STXBP4: variants seen among roughly 807,000 people sequenced by gnomAD.
STXBP4 encodes the protein syntaxin-binding protein 4.
In STXBP4, 55 loss-of-function variants were observed where a neutral mutation model predicts 76.1. That is an observed-to-expected ratio of 0.72 (90% CI 0.58 to 0.91). The LOEUF (loss-of-function observed/expected upper bound fraction) is 0.91, where lower values mean the gene tolerates loss of function less well. STXBP4 is among the 40% of genes least tolerant of loss of function. The pLI is 0.00. For missense variants in STXBP4, 618 were observed against 636.9 expected (o/e 0.97, Z 0.32); for synonymous variants, 201 against 220.2 (o/e 0.91, Z 0.77).
rs2080368773 is a variant in STXBP4, at chr17:55,164,918, C to G, written c.*5007C>G. 6.6e-6 allele frequency: 1 copy of G among 152,224 alleles called. No individual in the cohort carries two copies. Among genetic ancestry groups the G allele is most frequent in the Admixed American group, 6.5e-5 (1 of 15,280 alleles). 9.4% of individuals were successfully genotyped at this position (152,224 alleles called of 1,614,324 possible). On this transcript the variant is annotated 3_prime_UTR_variant, in exon 18 of 18. Transcript: ENST00000376352. ...ACCGAGAGCTACTAGAGGCCAGACA[C>G]TTCACTGAGTAGTAGGGATACAATG...
intron 12 of STXBP4, among the ~76,000 whole-genome samples, chr17:55,050,931 G>A (rs1385077730): frequency 6.6e-6 from 1 of 152,116 alleles, no homozygotes; most frequent in Non-Finnish European, 1.5e-5. Context: ...GCCTCCCAAA[G>A]TGCTGGATTA....
chr17:55,009,733 T>G (rs2078072743), intron 8 of STXBP4, among the ~76,000 whole-genome samples: 1 of 152,124 alleles, frequency 6.6e-6, no homozygotes, highest in Non-Finnish European at 1.5e-5. Context: ...GAGCATTCTT[T>G]TTTTTCAGTT....
At chr17:55,156,578 C>G (rs932859079) in intron 17 of STXBP4, among the ~76,000 whole-genome samples, 2 of 152,188 alleles carry the variant, frequency 1.3e-5, no homozygotes, top group African/African-American at 4.8e-5. Context: ...ACCTGAGTTT[C>G]AGAAGCACTG....
intron 16 of STXBP4, among the ~76,000 whole-genome samples, chr17:55,105,032 G>T (rs1408224607): frequency 6.6e-6 from 1 of 151,880 alleles, no homozygotes; most frequent in Non-Finnish European, 1.5e-5. Context: ...TATTAGTCTG[G>T]CTAGTGGTCT....
rs1045810755 is a variant in STXBP4, at chr17:55,072,960, G to T, written c.1072G>T (p.Ala358Ser). ...ALRSRIHLAEAAQRQAHGMEM... is the reference protein window; with the variant it reads ...ALRSRIHLAESAQRQAHGMEM... ...GCGTAGTCGGATTCATCTTGCTGAA[G>T]CTGCTCAGAGACAGGCACATGGAAT... The change falls in exon 13 of 18, where the codon GCT (alanine) becomes TCT (serine). Residue 358 changes from alanine (A) to serine (S), a missense_variant. Coordinates refer to ENST00000376352, the MANE Select transcript of STXBP4 (RefSeq NM_178509.6). 2 of 1,613,782 alleles carry T rather than the reference G, an allele frequency of 1.2e-6. No homozygotes were observed. Among genetic ancestry groups the T allele is most frequent in the African/African-American group, 2.7e-5 (2 of 74,904 alleles).
downstream of STXBP4, among the ~76,000 whole-genome samples, chr17:55,175,021 C>CAAAAAAAAAAAAAAAAA (rs113547228): frequency 2.1e-5 from 3 of 146,328 alleles, no homozygotes; most frequent in Admixed American, 6.8e-5. Context: ...GACTCCATCT[C>CAAAAAAAAAAAAAAAAA]AAAAAAAAAA....
chr17:55,033,523 C>A (rs1369742780), intron 9 of STXBP4, among the ~76,000 whole-genome samples: 2 of 151,922 alleles, frequency 1.3e-5, no homozygotes, highest in Non-Finnish European at 2.9e-5. Flanking sequence ...TTAAAAGAAT[C>A]CTTGGAAATT....
At chr17:55,055,384 G>T (rs2078910697) in intron 12 of STXBP4, among the ~76,000 whole-genome samples, 1 of 152,040 alleles carries the variant, frequency 6.6e-6, no homozygotes, top group African/African-American at 2.4e-5. Context: ...AACTTGTTGG[G>T]CCTACTTTTT....
intron 17 of STXBP4, among the ~76,000 whole-genome samples, chr17:55,150,014 T>C (rs1941837635): frequency 2.0e-5 from 3 of 152,200 alleles, no homozygotes; most frequent in Non-Finnish European, 4.4e-5. Context: ...ATAAATTATT[T>C]GGGGTTTCAT....
chr17:55,147,914 G>T (rs1167656148), intron 17 of STXBP4, among the ~76,000 whole-genome samples: 1 of 152,196 alleles, frequency 6.6e-6, no homozygotes, highest in African/African-American at 2.4e-5. Context: ...GTGGTGTGTA[G>T]GACACATGCC....
At chr17:54,972,668 G>A (rs548758621) in intron 1 of STXBP4, among the ~76,000 whole-genome samples, 2 of 152,022 alleles carry the variant, frequency 1.3e-5, no homozygotes, top group Non-Finnish European at 2.9e-5. Context: ...AGCCTTCTCT[G>A]CCACGAATTT....
At chr17:55,016,465 G>T (rs938886449) in intron 8 of STXBP4, among the ~76,000 whole-genome samples, 3 of 152,126 alleles carry the variant, frequency 2.0e-5, no homozygotes, top group African/African-American at 7.2e-5. Flanking sequence ...AGAGGGTGTA[G>T]GTAACCTTTA....
chr17:55,074,836 T>C (rs564811228), intron 13 of STXBP4, among the ~76,000 whole-genome samples: 7 of 152,008 alleles, frequency 4.6e-5, no homozygotes, highest in Middle Eastern at 3.4e-3. Context: ...GCTATTAATA[T>C]GAGCATCTCA....
rs1391306996 is a variant in STXBP4 at position 55,168,623 on chromosome 17, T to C, written c.*8712T>C. 1 of 152,192 alleles carries C rather than the reference T, an allele frequency of 6.6e-6. No individual in the cohort carries two copies. Among genetic ancestry groups the C allele is most frequent in the Non-Finnish European group, 1.5e-5 (1 of 68,024 alleles). 9.4% of individuals were successfully genotyped at this position (152,192 alleles called of 1,614,324 possible). On this transcript the variant is annotated 3_prime_UTR_variant, in exon 18 of 18. Transcript: ENST00000376352. ...AGCATAGATTTTTAAAAATCATGTG[T>C]GTAAAAGAGAATGAAATATTAATTA...
chr17:55,092,894 A>G (rs2079434334), intron 16 of STXBP4, among the ~76,000 whole-genome samples: 1 of 152,198 alleles, frequency 6.6e-6, no homozygotes, highest in Non-Finnish European at 1.5e-5. Context: ...TCAGACATTC[A>G]TCATTCTTTT....
At chr17:54,984,040 C>G (rs1381397365) in intron 1 of STXBP4, among the ~76,000 whole-genome samples, 1 of 152,156 alleles carries the variant, frequency 6.6e-6, no homozygotes, top group African/African-American at 2.4e-5. Context: ...TGCTGTTGAT[C>G]TGCATGCTTC....
rs1342069200 is a variant in STXBP4 at position 55,159,931 on chromosome 17, G to A, written c.*20G>A. The stretch of plus-strand genomic sequence containing the variant: ...AGTTGATGGTTTTCCTTAGGAAGTG[G>A]AGCTACATGGATGATGTGAGCAGAG... On this transcript the variant is annotated 3_prime_UTR_variant, in exon 18 of 18. Coordinates refer to ENST00000376352, the MANE Select transcript of STXBP4 (RefSeq NM_178509.6). 5 of 1,467,750 alleles carry A rather than the reference G, an allele frequency of 3.4e-6. No homozygotes were observed. The highest frequency in any genetic ancestry group is 4.8e-6 in the Non-Finnish European group (5 of 1,047,126). The allele number at this position is 1,467,750 out of a possible 1,614,324, so 90.9% of individuals were successfully genotyped here.
intron 16 of STXBP4, among the ~76,000 whole-genome samples, chr17:55,125,870 G>A (rs1056910425): frequency 2.0e-5 from 3 of 152,162 alleles, no homozygotes; most frequent in Non-Finnish European, 2.9e-5. Flanking sequence ...TGGGACAACT[G>A]GAAAGGCAGA....
chr17:55,201,212 T>G, the STXBP4 span, among the ~76,000 whole-genome samples: 1 of 152,372 alleles, frequency 6.6e-6, no homozygotes, highest in Non-Finnish European at 1.5e-5. Context: ...ACACTGGTAT[T>G]TAAAATGATA....
Sources: gnomAD v4.1 joint callset for allele counts (sites outside exome capture counted in the v4.1 genomes callset) on GRCh38, gnomAD v4.1.1 for gene constraint, MANE v1.5 for transcripts, NCBI Gene and HGNC (gene_info 2026-07-23, HGNC 2026-07-21) for gene names.